The following CDH13 variants were observed in gnomAD, a reference collection of about 807,000 sequenced individuals.
The protein encoded by CDH13 is cadherin 13, also known as cadherin-13.
Under a neutral mutation model 63.8 loss-of-function variants are expected in CDH13, and 24 were observed. The observed-to-expected ratio is 0.38, with a 90% CI of 0.27 to 0.53. The LOEUF is 0.53. Ranked by LOEUF, CDH13 falls within the 20% of genes least tolerant of loss-of-function variation. The pLI, the probability that CDH13 is intolerant of heterozygous loss-of-function variation, is 0.85. For missense variants in CDH13, 1,049 were observed against 903.1 expected (o/e 1.16, Z -2.07); for synonymous variants, 503 against 355.3 (o/e 1.42, Z -4.67).
intron 6 of CDH13, chr16:83,397,615 G>A (rs937284265): frequency 1.2e-4 from 18 of 152,144 alleles, no homozygotes; most frequent in African/African-American, 4.3e-4. Context: ...TACTTAGGAG[G>A]AATTGAGTTA....
rs139451683 is a variant in CDH13, at chr16:82,638,823, T to TGTGTGTGTGTGTGTGTGTGCGCGCGCGC, written c.45+11687_45+11688insTGTGTGTGTGTGTGTGTGCGCGCGCGCG. Among the ~76,000 whole-genome samples, 504 of 150,902 alleles carry TGTGTGTGTGTGTGTGTGTGCGCGCGCGC rather than the reference T, an allele frequency of 3.3e-3. 1 individual carries two copies. The highest frequency in any genetic ancestry group is 0.011 in the African/African-American group (465 of 41,050). On this transcript the variant is annotated intron_variant, in intron 1 of 13. Transcript: ENST00000567109. ...TGGGAGGCTTTATTAGGGCAGTGTG[T>TGTGTGTGTGTGTGTGTGTGCGCGCGCGC]GCGTGTGTGCGTTTGTGTGCATGCA...
intron 1 of CDH13, among the ~76,000 whole-genome samples, chr16:82,688,083 CT>C (rs1482780757): frequency 1.3e-5 from 2 of 152,090 alleles, no homozygotes; most frequent in Admixed American, 1.3e-4. Flanking sequence ...GTGATTTTAC[CT>C]TTTTGTGAAG....
chr16:83,136,622 G>C (rs7185351), intron 4 of CDH13, among the ~76,000 whole-genome samples: 50,696 of 152,014 alleles, frequency 0.33, 8,909 homozygotes, highest in African/African-American at 0.43. Flanking sequence ...GGGAGAAACT[G>C]GGCTCTCATA....
chr16:83,664,980 C>A (rs1040654251), intron 8 of CDH13, among the ~76,000 whole-genome samples: 1 of 152,162 alleles, frequency 6.6e-6, no homozygotes, highest in Non-Finnish European at 1.5e-5. Flanking sequence ...ACAGACACAA[C>A]AAATATTTAT....
At chr16:82,750,902 C>G (rs2034387568) in intron 1 of CDH13, among the ~76,000 whole-genome samples, 1 of 152,156 alleles carries the variant, frequency 6.6e-6, no homozygotes, top group Non-Finnish European at 1.5e-5. Context: ...TCACTTAAAA[C>G]AAGTGTCTTT....
At chr16:83,409,820 A>T (rs766988114) in intron 6 of CDH13, among the ~76,000 whole-genome samples, 1 of 152,236 alleles carries the variant, frequency 6.6e-6, no homozygotes, top group Non-Finnish European at 1.5e-5. Flanking sequence ...TTCTTGGGAT[A>T]TCAGTAAGTC....
intron 2 of CDH13, among the ~76,000 whole-genome samples, chr16:83,022,232 C>T (rs1203865413): frequency 1.3e-5 from 2 of 152,186 alleles, no homozygotes; most frequent in Non-Finnish European, 2.9e-5. Flanking sequence ...TGTCATGCCC[C>T]AGCAAAGGCT....
intron 5 of CDH13, among the ~76,000 whole-genome samples, chr16:83,218,287 C>T (rs1237743359): frequency 6.6e-6 from 1 of 152,176 alleles, no homozygotes; most frequent in African/African-American, 2.4e-5. Context: ...AAAGTCCCCA[C>T]CCTCCAGCAG....
chr16:83,476,755 A>T (rs773079641), intron 6 of CDH13, among the ~76,000 whole-genome samples: 9 of 152,216 alleles, frequency 5.9e-5, no homozygotes, highest in Non-Finnish European at 1.2e-4. Flanking sequence ...GTTTATGGAA[A>T]AATATATTGG....
intron 9 of CDH13, among the ~76,000 whole-genome samples, chr16:83,672,934 C>T (rs1276222617): frequency 6.6e-6 from 1 of 152,198 alleles, no homozygotes; most frequent in Non-Finnish European, 1.5e-5. Context: ...ACTTTTACAG[C>T]TTCGAAAGTG....
chr16:83,704,997 G>A (rs971840617), intron 10 of CDH13, among the ~76,000 whole-genome samples: 9 of 152,162 alleles, frequency 5.9e-5, no homozygotes, highest in Non-Finnish European at 7.4e-5. Flanking sequence ...CAACATCCAA[G>A]AATAAGTTAT....
chr16:82,979,343 C>A (rs563856395), intron 2 of CDH13, among the ~76,000 whole-genome samples: 26 of 152,138 alleles, frequency 1.7e-4, no homozygotes, highest in African/African-American at 5.5e-4. Flanking sequence ...TGTGAGTACA[C>A]GGGATTTTGG....
chr16:83,770,611 A>G (rs1025680254), intron 11 of CDH13, among the ~76,000 whole-genome samples: 2 of 152,350 alleles, frequency 1.3e-5, no homozygotes, highest in Middle Eastern at 3.4e-3. Context: ...CTGGTTGCCC[A>G]TTTTTGAGGT....
chr16:82,705,405 G>A (rs1019601472), intron 1 of CDH13: 3 of 260,796 alleles, frequency 1.2e-5, no homozygotes, highest in African/African-American at 2.2e-5. Flanking sequence ...CCACACAATC[G>A]CCTCTAGTGG....
intron 6 of CDH13, among the ~76,000 whole-genome samples, chr16:83,355,833 G>C (rs2091041631): frequency 6.6e-6 from 1 of 152,212 alleles, no homozygotes; most frequent in African/African-American, 2.4e-5. Context: ...AAGGGAGGGA[G>C]ATGATGCCTG....
intron 10 of CDH13, chr16:83,726,198 G>C (rs1219398681): frequency 6.6e-6 from 1 of 152,186 alleles, no homozygotes; most frequent in Non-Finnish European, 1.5e-5. Context: ...TTGTCATAAT[G>C]TATCAGTTAG....
chr16:82,934,423 A>G lies in CDH13; in HGVS notation c.157+75950A>G, dbSNP rs1308107348. On this transcript the variant is annotated intron_variant, in intron 2 of 13. Transcript: ENST00000567109. ...GGCCCTGGCTCCAGCCCACAAAACCATTTTTTCCATCTAGGCCTCAGGGCC... is the reference window on the plus strand; with the variant it reads ...GGCCCTGGCTCCAGCCCACAAAACCGTTTTTTCCATCTAGGCCTCAGGGCC... 2.6e-5 allele frequency among the ~76,000 whole-genome samples: 4 copies of G among 151,928 alleles called. No individual in the cohort carries two copies. The East Asian group carries it at 7.7e-4, about 29-fold the overall frequency.
In CDH13 at chr16:83,502,192, A is replaced by T. The variant is rs571866652; in HGVS notation, c.960+15537A>T. Among the ~76,000 whole-genome samples, 119 of 152,312 alleles carry T rather than the reference A, an allele frequency of 7.8e-4. No homozygotes were observed. The Middle Eastern group carries it at 0.024, about 30-fold the overall frequency. Reference sequence around the variant, plus strand: ...GGGCAAATGGGACTTTGTAGAAGTGATTAAGTCAAATATATTGAGATTGGA... The same window carrying T: ...GGGCAAATGGGACTTTGTAGAAGTGTTTAAGTCAAATATATTGAGATTGGA... On this transcript the variant is annotated intron_variant, in intron 7 of 13. Transcript: ENST00000567109.
At chr16:82,778,291 G>C (rs1348364635) in intron 1 of CDH13, among the ~76,000 whole-genome samples, 2 of 152,132 alleles carry the variant, frequency 1.3e-5, no homozygotes, top group South Asian at 2.1e-4. Context: ...AAAAACCTGA[G>C]TTTATTAGTC....
Sources: gnomAD v4.1 joint callset for allele counts (sites outside exome capture counted in the v4.1 genomes callset) on GRCh38, gnomAD v4.1.1 for gene constraint, MANE v1.5 for transcripts, NCBI Gene and HGNC (gene_info 2026-07-23, HGNC 2026-07-21) for gene names.